The following SOS1 variants were observed in gnomAD, a reference collection of about 807,000 sequenced individuals.
The protein encoded by SOS1 is SOS Ras/Rac guanine nucleotide exchange factor 1.
A neutral mutation model predicts 157.6 loss-of-function variants in SOS1; 25 were observed. That is an observed-to-expected ratio of 0.16 (90% CI 0.12 to 0.22). The LOEUF (loss-of-function observed/expected upper bound fraction) is 0.22. Ranked by LOEUF, SOS1 falls within the 10% of genes least tolerant of loss-of-function variation. The pLI is 1.00. For synonymous variants in SOS1, 528 were observed against 534.0 expected (o/e 0.99, Z 0.16); for missense variants, 1,237 against 1,599.1 (o/e 0.77, Z 3.86).
chr2:39,067,599 A>C (rs905656928), intron 2 of SOS1, 29 bp downstream of exon 2: 1 of 1,601,354 alleles, frequency 6.2e-7, no homozygotes, highest in African/African-American at 1.4e-5. Flanking sequence ...ATTAGATATA[A>C]AGTAAATACA....
intron 10 of SOS1, among the ~76,000 whole-genome samples, chr2:39,020,364 ATGTC>A (rs1195606574): frequency 5.3e-5 from 8 of 151,870 alleles, no homozygotes; most frequent in East Asian, 3.9e-4. Context: ...AATCTAAAAG[ATGTC>A]TGTAAGTCGT....
At chr2:39,109,937 G>A (rs1008992810) in intron 1 of SOS1, among the ~76,000 whole-genome samples, 10 of 151,872 alleles carry the variant, frequency 6.6e-5, no homozygotes, top group Non-Finnish European at 1.3e-4. Flanking sequence ...ACTACCTAAC[G>A]TCAAAACTTA....
At position 39,120,512 on chromosome 2, in the gene SOS1, G is replaced by A; in HGVS notation, c.-90C>T. 6 of 1,189,840 alleles carry A rather than the reference G, an allele frequency of 5.0e-6. No individual in the cohort carries two copies. The highest frequency in any genetic ancestry group is 5.2e-6 in the Non-Finnish European group (5 of 961,142). 73.7% of individuals were successfully genotyped at this position (1,189,840 alleles called of 1,614,324 possible). ...AGGGCGAGCTCGCAGCGCGGAACAG[G>A]GCCGCGGCCCCACCGGACGGCCCGG... On this transcript the variant is annotated 5_prime_UTR_variant, in exon 1 of 23. Transcript: ENST00000402219.
intron 1 of SOS1, among the ~76,000 whole-genome samples, chr2:39,081,997 T>C (rs1672217770): frequency 6.6e-6 from 1 of 152,204 alleles, no homozygotes; most frequent in Non-Finnish European, 1.5e-5. Context: ...TGCATAATAG[T>C]TATGTCATGG....
intron 1 of SOS1, among the ~76,000 whole-genome samples, chr2:39,090,096 C>A (rs945027979): frequency 2.7e-5 from 4 of 145,670 alleles, no homozygotes; most frequent in African/African-American, 7.6e-5. Context: ...GCTGAGATAA[C>A]ACCACTGCGC....
chr2:38,996,907 T>C lies in SOS1; in HGVS notation c.3081+15A>G. The C allele has an allele frequency of 7.8e-7, 1 of 1,278,164 alleles. No homozygotes were observed. The highest frequency in any genetic ancestry group is 1.1e-6 in the Non-Finnish European group (1 of 873,906). The allele number at this position is 1,278,164 out of a possible 1,614,324, so 79.2% of individuals were successfully genotyped here. A position where few individuals can be genotyped will look rare whatever the true frequency, so the allele number is the denominator to read the frequency against. The stretch of plus-strand genomic sequence containing the variant: ...GGTAGTAATGACATCACCAGACAAA[T>C]ATACAAATGCTTACAAATCTTGGGA... On this transcript the variant is annotated intron_variant, in intron 19 of 22. Transcript: ENST00000402219.
intron 10 of SOS1, among the ~76,000 whole-genome samples, chr2:39,015,802 CTTTTTT>C (rs1054843148): frequency 2.3e-5 from 2 of 87,414 alleles, no homozygotes; most frequent in African/African-American, 4.6e-5. Context: ...AATTGTAAAT[CTTTTTT>C]TTTTTTTTTT....
chr2:39,069,633 C>T (rs186690325), intron 1 of SOS1, among the ~76,000 whole-genome samples: 19 of 150,840 alleles, frequency 1.3e-4, no homozygotes, highest in South Asian at 4.2e-4. Context: ...CTGCAACCTC[C>T]GCCTCCTGGG....
At chr2:39,051,812 T>C (rs1671028563) in intron 5 of SOS1, among the ~76,000 whole-genome samples, 1 of 152,204 alleles carries the variant, frequency 6.6e-6, no homozygotes, top group Non-Finnish European at 1.5e-5. Context: ...TATCTATTTC[T>C]GCATACAATC....
chr2:39,076,582 A>G (rs1672007130), intron 1 of SOS1, among the ~76,000 whole-genome samples: 2 of 152,244 alleles, frequency 1.3e-5, no homozygotes, highest in African/African-American at 4.8e-5. Context: ...GTAACAATTC[A>G]TGGTTCCTAA....
intron 1 of SOS1, among the ~76,000 whole-genome samples, chr2:39,110,068 G>T (rs73930506): frequency 1.8e-4 from 27 of 148,570 alleles, no homozygotes; most frequent in African/African-American, 6.5e-4. Context: ...GTGTGTGTGT[G>T]TGTGTGTGTG....
intron 17 of SOS1, among the ~76,000 whole-genome samples, chr2:39,005,757 T>C (rs546348419): frequency 7.3e-5 from 11 of 151,638 alleles, no homozygotes; most frequent in African/African-American, 2.4e-4. Context: ...CTAAAGAGAC[T>C]ATAGAGAGAT....
At chr2:39,104,789 T>C (rs1673102906) in intron 1 of SOS1, among the ~76,000 whole-genome samples, 1 of 152,230 alleles carries the variant, frequency 6.6e-6, no homozygotes, top group Non-Finnish European at 1.5e-5. Flanking sequence ...GAAAATATTA[T>C]ACTAAATGAA....
chr2:39,024,578 G>T (rs1163196325), intron 8 of SOS1, among the ~76,000 whole-genome samples: 1 of 151,762 alleles, frequency 6.6e-6, no homozygotes, highest in Non-Finnish European at 1.5e-5. Context: ...TAAATATACA[G>T]AGAACGATGC....
intron 1 of SOS1, among the ~76,000 whole-genome samples, chr2:39,109,754 G>C (rs1229991229): frequency 1.3e-5 from 2 of 151,984 alleles, no homozygotes; most frequent in African/African-American, 4.8e-5. Flanking sequence ...AAAGTCAATG[G>C]GTACAACAGA....
chr2:39,003,071 A>AAAAACAAAAAC (rs1669163798), intron 17 of SOS1, among the ~76,000 whole-genome samples: 3 of 126,176 alleles, frequency 2.4e-5, no homozygotes, highest in Non-Finnish European at 5.5e-5. Context: ...TGTATCAAAA[A>AAAAACAAAAAC]AAAAAAAGAA....
rs183790442 is a variant in SOS1 at position 39,053,454 on chromosome 2, A to G, written c.720+1160T>C. Among the ~76,000 whole-genome samples, 37 of 152,232 alleles carry G rather than the reference A, an allele frequency of 2.4e-4. No homozygotes were observed. The East Asian group carries it at 4.6e-3, about 19-fold the overall frequency. ...TTTGCCTCTTCTTTACTTTTTTTAA[A>G]GCAACCTTATTGAAACATTATTTAG... On this transcript the variant is annotated intron_variant, in intron 5 of 22. Coordinates refer to ENST00000402219, the MANE Select transcript of SOS1 (RefSeq NM_005633.4).
intron 9 of SOS1, 31 bp from the exon 10 acceptor site, chr2:39,023,256 A>C (rs1002743043): frequency 1.9e-6 from 3 of 1,553,996 alleles, no homozygotes; most frequent in South Asian, 1.1e-5. Context: ...TTATTAGTAC[A>C]TAGATGACAG....
chr2:39,002,280 G>T (rs527382609), intron 17 of SOS1, among the ~76,000 whole-genome samples: 2 of 151,992 alleles, frequency 1.3e-5, no homozygotes, highest in South Asian at 4.1e-4. Context: ...AGCCGAGATC[G>T]TGCCATTACA....
Sources: allele counts gnomAD v4.1 joint callset (sites outside exome capture counted in the v4.1 genomes callset), GRCh38; gene constraint gnomAD v4.1.1; transcripts MANE v1.5; gene names NCBI Gene and HGNC (gene_info 2026-07-23, HGNC 2026-07-21).